Variants in CCDC60 observed in about 807,000 individuals in gnomAD.
The protein encoded by CCDC60 is coiled-coil domain-containing protein 60.
A neutral mutation model predicts 63.5 loss-of-function variants in CCDC60; 54 were observed. The ratio of observed to expected loss-of-function variants is 0.85; its 90% CI spans 0.68 to 1.07. CCDC60 has a LOEUF of 1.07. Among genes scored for constraint, CCDC60 ranks in the 50% least tolerant of loss-of-function variants. The probability of loss-of-function intolerance (pLI) is 0.00; values close to 1 mark genes in which losing one functional copy is unlikely to be tolerated. For synonymous variants in CCDC60, 206 were observed against 238.8 expected (o/e 0.86, Z 1.27); for missense variants, 651 against 684.3 (o/e 0.95, Z 0.54).
At chr12:119,473,200 C>T (rs978579864) in intron 3 of CCDC60, among the ~76,000 whole-genome samples, 24 of 152,092 alleles carry the variant, frequency 1.6e-4, no homozygotes, top group Non-Finnish European at 2.9e-4. Flanking sequence ...CACCATTTGG[C>T]GTGGACAAAA....
intron 2 of CCDC60, among the ~76,000 whole-genome samples, chr12:119,464,579 T>C (rs1950918304): frequency 6.6e-6 from 1 of 152,080 alleles, no homozygotes; most frequent in East Asian, 1.9e-4. Flanking sequence ...CCTTAAAAAC[T>C]GACTTCTTGG....
intron 4 of CCDC60, among the ~76,000 whole-genome samples, chr12:119,480,076 T>C: frequency 6.6e-6 from 1 of 150,970 alleles, no homozygotes; most frequent in South Asian, 2.1e-4. Flanking sequence ...TTTAGGGCAA[T>C]GGATTCATTT....
At chr12:119,434,852 G>A (rs543096192) in intron 2 of CCDC60, among the ~76,000 whole-genome samples, 10 of 152,250 alleles carry the variant, frequency 6.6e-5, no homozygotes, top group South Asian at 2.1e-4. Flanking sequence ...CAGCCCACAC[G>A]CTGCCTTGTA....
chr12:119,477,192 C>A (rs1016863699), intron 3 of CCDC60, among the ~76,000 whole-genome samples: 1 of 152,202 alleles, frequency 6.6e-6, no homozygotes, highest in African/African-American at 2.4e-5. Flanking sequence ...GAGTGAGCAT[C>A]CCAGGACACA....
chr12:119,343,223 A>G (rs1025505924), intron 1 of CCDC60, among the ~76,000 whole-genome samples: 8 of 152,152 alleles, frequency 5.3e-5, no homozygotes, highest in African/African-American at 1.9e-4. Flanking sequence ...GCGGGGCTCA[A>G]TTTTGATCTA....
intron 5 of CCDC60, among the ~76,000 whole-genome samples, chr12:119,496,342 C>G (rs1293621990): frequency 6.6e-6 from 1 of 152,128 alleles, no homozygotes; most frequent in African/African-American, 2.4e-5. Context: ...CAAGTGACAG[C>G]CTGGAACAAA....
At chr12:119,340,560 G>C (rs908955538) in intron 1 of CCDC60, among the ~76,000 whole-genome samples, 3 of 150,470 alleles carry the variant, frequency 2.0e-5, no homozygotes, top group African/African-American at 7.3e-5. Flanking sequence ...TGATGAGGAT[G>C]GATGTCTCCA....
chr12:119,462,791 C>T (rs1019640673), intron 2 of CCDC60, among the ~76,000 whole-genome samples: 94 of 140,882 alleles, frequency 6.7e-4, no homozygotes, highest in African/African-American at 1.8e-3. Flanking sequence ...CAACTAACTT[C>T]ATTTATTTAT....
At chr12:119,390,134 G>A (rs767913533) in intron 1 of CCDC60, among the ~76,000 whole-genome samples, 5 of 152,170 alleles carry the variant, frequency 3.3e-5, no homozygotes, top group Non-Finnish European at 5.9e-5. Flanking sequence ...TTCTCAAATC[G>A]TAAAAGACAA....
At chr12:119,494,139 G>A (rs940780256) in intron 5 of CCDC60, among the ~76,000 whole-genome samples, 7 of 152,184 alleles carry the variant, frequency 4.6e-5, no homozygotes, top group Non-Finnish European at 7.3e-5. Flanking sequence ...TCTTATTAGA[G>A]ACCAAATTTC....
At position 119,516,712 on chromosome 12, in the gene CCDC60, G is replaced by T. The variant is rs1377574165; in HGVS notation, c.968+5G>T. 4.4e-6 allele frequency: 7 copies of T among 1,599,168 alleles called. No homozygotes were observed. The highest frequency in any genetic ancestry group is 2.7e-5 in the African/African-American group (2 of 74,564). ...GATGCAAAGAAAAGCACCCAGGTAT[G>T]TGCTCTTGACTCCTGGGGCAAATAA... On this transcript the variant is annotated splice_donor_5th_base_variant and intron_variant, in intron 8 of 13. Coordinates refer to ENST00000327554, the MANE Select transcript of CCDC60 (RefSeq NM_178499.5).
At chr12:119,374,139 G>A (rs1218514747) in intron 1 of CCDC60, among the ~76,000 whole-genome samples, 1 of 152,066 alleles carries the variant, frequency 6.6e-6, no homozygotes, top group Non-Finnish European at 1.5e-5. Context: ...AAAAGCTCTG[G>A]GTTCTAATCC....
chr12:119,504,946 G>A, intron 6 of CCDC60, 123 bp from the exon 7 acceptor site: 1 of 657,668 alleles, frequency 1.5e-6, no homozygotes, highest in Non-Finnish European at 2.6e-6. Context: ...GGAATTCACA[G>A]TCAGACCCAG....
chr12:119,523,557 G>A (rs1952589930), intron 10 of CCDC60, 136 bp from the exon 11 acceptor site: 1 of 1,175,576 alleles, frequency 8.5e-7, no homozygotes. Context: ...TCCAGGTGAG[G>A]GCAGAGAACC....
At chr12:119,463,023 C>T (rs1486949716) in intron 2 of CCDC60, among the ~76,000 whole-genome samples, 5 of 152,078 alleles carry the variant, frequency 3.3e-5, no homozygotes, top group Non-Finnish European at 7.3e-5. Flanking sequence ...AGGGTTTCGC[C>T]ATGTTGGCCA....
At chr12:119,462,551 A>T (rs1015487098) in intron 2 of CCDC60, among the ~76,000 whole-genome samples, 1 of 152,190 alleles carries the variant, frequency 6.6e-6, no homozygotes, top group Non-Finnish European at 1.5e-5. Context: ...TGAGAGCATG[A>T]ATAAGTTGAA....
intron 1 of CCDC60, among the ~76,000 whole-genome samples, chr12:119,395,001 A>C (rs1466134246): frequency 1.3e-5 from 2 of 152,214 alleles, no homozygotes; most frequent in African/African-American, 4.8e-5. Flanking sequence ...GAGGATACTT[A>C]AGTTGGGTCT....
At chr12:119,511,198 A>G (rs1027189330) in intron 7 of CCDC60, among the ~76,000 whole-genome samples, 6 of 152,204 alleles carry the variant, frequency 3.9e-5, no homozygotes, top group African/African-American at 1.4e-4. Flanking sequence ...CAGCCTTGAC[A>G]AAAGTAGATT....
chr12:119,346,796 C>T (rs971585809), intron 1 of CCDC60, among the ~76,000 whole-genome samples: 1 of 124,936 alleles, frequency 8.0e-6, no homozygotes, highest in Non-Finnish European at 1.8e-5. Flanking sequence ...TTCTTTCTTT[C>T]TTTCTTTCTT....
Sources: gnomAD v4.1 joint callset for allele counts (sites outside exome capture counted in the v4.1 genomes callset) on GRCh38, gnomAD v4.1.1 for gene constraint, MANE v1.5 for transcripts, NCBI Gene and HGNC (gene_info 2026-07-23, HGNC 2026-07-21) for gene names.